The following PI4KB variants were observed in gnomAD, a reference collection of about 807,000 sequenced individuals.
PI4KB encodes the protein PtdIns 4-kinase beta.
PI4KB carries 23 observed loss-of-function variants against 81.4 expected under a neutral mutation model. The ratio of observed to expected loss-of-function variants is 0.28; its 90% CI spans 0.20 to 0.40. The LOEUF (loss-of-function observed/expected upper bound fraction) is 0.40, where lower values mean the gene tolerates loss of function less well. Among genes scored for constraint, PI4KB ranks in the 10% least tolerant of loss-of-function variants. PI4KB has a pLI of 1.00. For missense variants in PI4KB, 651 were observed against 1,036.6 expected (o/e 0.63, Z 5.11); for synonymous variants, 381 against 406.8 (o/e 0.94, Z 0.76).
At chr1:151,304,389 G>A (rs1390966113) in intron 5 of PI4KB, among the ~76,000 whole-genome samples, 4 of 143,356 alleles carry the variant, frequency 2.8e-5, no homozygotes, top group South Asian at 4.4e-4. Context: ...TGTTGCCCAC[G>A]CTGGAGTGCA....
chr1:151,322,022 C>A (rs944225360), intron 1 of PI4KB, among the ~76,000 whole-genome samples: 2 of 152,030 alleles, frequency 1.3e-5, no homozygotes, highest in Non-Finnish European at 2.9e-5. Flanking sequence ...TGACGGAAGA[C>A]AATCTAAATT....
chr1:151,298,575 T>G (rs1694992584), intron 9 of PI4KB: 3 of 564,862 alleles, frequency 5.3e-6, no homozygotes, highest in Non-Finnish European at 9.4e-6. Context: ...CCCTGCTCAC[T>G]CAAACCCTTA....
chr1:151,319,142 A>C (rs535457701), intron 1 of PI4KB, among the ~76,000 whole-genome samples: 2 of 152,320 alleles, frequency 1.3e-5, no homozygotes, highest in South Asian at 4.1e-4. Flanking sequence ...GTATGAAAGA[A>C]TCTAGCACAG....
chr1:151,316,437 A>G lies in PI4KB; in HGVS notation c.45T>C (p.Ser15=). The part of the protein sequence containing the change: ...VVEPAPLKPT[S]EPTSGPPGNN... Reference sequence around the variant, plus strand: ...TCCCTGGTGGGCCAGAAGTGGGCTCAGAAGTTGGCTTCAAGGGGGCAGGCT... The same window carrying G: ...TCCCTGGTGGGCCAGAAGTGGGCTCGGAAGTTGGCTTCAAGGGGGCAGGCT... The change falls in exon 2 of 12, where the codon TCT becomes TCC. Residue 15 remains serine, a synonymous_variant. Transcript: ENST00000368873. 2 of 1,569,122 alleles carry G rather than the reference A, an allele frequency of 1.3e-6. No individual in the cohort carries two copies. The highest frequency in any genetic ancestry group is 1.7e-6 in the Non-Finnish European group (2 of 1,158,772).
At chr1:151,297,764 C>T (rs1694934466) in intron 9 of PI4KB, among the ~76,000 whole-genome samples, 1 of 152,064 alleles carries the variant, frequency 6.6e-6, no homozygotes, top group Non-Finnish European at 1.5e-5. Flanking sequence ...GTTTCAAACT[C>T]CTGACCTCAG....
chr1:151,316,123 C>T lies in PI4KB; in HGVS notation c.359G>A (p.Arg120Gln), dbSNP rs750699434. 3.1e-6 allele frequency: 5 copies of T among 1,613,944 alleles called. No homozygotes were observed. Among genetic ancestry groups the T allele is most frequent in the African/African-American group, 2.7e-5 (2 of 74,916 alleles). Residue 120 changes from arginine (R) to glutamine (Q), a missense_variant, in exon 2 of 12, where the codon CGG becomes CAG. This residue lies in a region of PI4KB where 314 missense variants were observed against 397.8 expected (regional missense o/e 0.79). Transcript: ENST00000368873. ...AGACTGTTTAGCTGAGTTGTTCTGC[C>T]GCCGTCTTCTTGCTCCTTTGGCTGT... Reference protein sequence around the residue: ...SGTAKGARRRRQNNSAKQSWL... With the variant: ...SGTAKGARRRQQNNSAKQSWL...
chr1:151,301,800 G>C (rs1361409280), intron 8 of PI4KB, 44 bp downstream of exon 8: 5 of 1,595,770 alleles, frequency 3.1e-6, no homozygotes, highest in Non-Finnish European at 4.3e-6. Context: ...CCAGAGTGCT[G>C]GGATTACAGC....
At chr1:151,309,396 C>T (rs1020965344) in intron 3 of PI4KB, among the ~76,000 whole-genome samples, 1 of 152,110 alleles carries the variant, frequency 6.6e-6, no homozygotes, top group Non-Finnish European at 1.5e-5. Context: ...GAGGCTCTGC[C>T]ACATGAGAGG....
At position 151,294,358 on chromosome 1, in the gene PI4KB, CAG is replaced by C. The variant is rs762519631; in HGVS notation, c.2148+49_2148+50del. 46 of 1,597,918 alleles carry C rather than the reference CAG, an allele frequency of 2.9e-5. No individual in the cohort carries two copies. The East Asian group carries it at 8.9e-4, about 31-fold the overall frequency. On this transcript the variant is annotated intron_variant, in intron 10 of 11. Coordinates refer to ENST00000368873, the MANE Select transcript of PI4KB (RefSeq NM_001369623.2). ...AGCCCATCAGCTCCCTCTCCCATGA[CAG>C]AGAAAGAATACAATGACCCCCGAGA...
In PI4KB at chr1:151,292,680, C is replaced by T; in HGVS notation, c.*172G>A. The stretch of plus-strand genomic sequence containing the variant: ...GTCTGGACCCCACAGCTGGCTCTCC[C>T]ACCCCTCAGCAAGCTCTCGCAGTTA... On this transcript the variant is annotated 3_prime_UTR_variant, in exon 12 of 12. Transcript: ENST00000368873. 2 of 644,704 alleles carry T rather than the reference C, an allele frequency of 3.1e-6. No homozygotes were observed. Among genetic ancestry groups the T allele is most frequent in the Non-Finnish European group, 2.6e-6 (1 of 379,626 alleles). 39.9% of individuals were successfully genotyped at this position (644,704 alleles called of 1,614,324 possible).
At position 151,306,219 on chromosome 1, in the gene PI4KB, C is replaced by T; in HGVS notation, c.1327G>A (p.Ala443Thr). The T allele has an allele frequency of 6.2e-7, 1 of 1,614,204 alleles. No homozygotes were observed. The highest frequency in any genetic ancestry group is 8.5e-7 in the Non-Finnish European group (1 of 1,180,048). The change falls in exon 5 of 12, where the codon GCT (alanine) becomes ACT (threonine). Residue 443 changes from alanine to threonine, a missense_variant. Ala to Thr is a moderately conservative substitution (Grantham distance 58, BLOSUM62 0). This residue lies in a region of PI4KB where 246 missense variants were observed against 430.1 expected (regional missense o/e 0.57). Coordinates refer to ENST00000368873, the MANE Select transcript of PI4KB (RefSeq NM_001369623.2). ...PECGITHEQR[A>T]GSFSTVPNYD... ...TTGGGCACAGTGCTGAAGCTGCCAG[C>T]TCGCTGCTCATGGGTAATACCACAT...
At chr1:151,294,360 GAGAA>G in intron 10 of PI4KB, 45 bp downstream of exon 10, 3 of 1,599,202 alleles carry the variant, frequency 1.9e-6, no homozygotes, top group Non-Finnish European at 2.6e-6. Context: ...TCCCATGACA[GAGAA>G]AGAATACAAT....
chr1:151,318,619 G>C (rs544034863), intron 1 of PI4KB, among the ~76,000 whole-genome samples: 64 of 152,200 alleles, frequency 4.2e-4, no homozygotes, highest in African/African-American at 1.3e-3. Context: ...GGCTGAGGCA[G>C]GAGAATCGCT....
rs190798653 is a variant in PI4KB at position 151,311,616 on chromosome 1, G to T, written c.910-1361C>A. On this transcript the variant is annotated intron_variant, in intron 2 of 11. Coordinates refer to ENST00000368873, the MANE Select transcript of PI4KB (RefSeq NM_001369623.2). ...TATTTCTACCTATGAGCTGGTTGGAGAAGGAACAGCAGGCAAGATATTGGC... is the reference window on the plus strand; with the variant it reads ...TATTTCTACCTATGAGCTGGTTGGATAAGGAACAGCAGGCAAGATATTGGC... Among the ~76,000 whole-genome samples the T allele has an allele frequency of 3.2e-3, 486 of 152,316 alleles. 12 individuals carry two copies. Among genetic ancestry groups the T allele is most frequent in the Admixed American group, 0.03 (462 of 15,306 alleles).
chr1:151,301,826 C>T lies in PI4KB; in HGVS notation c.1749+18G>A, dbSNP rs1695314753. On this transcript the variant is annotated intron_variant, in intron 8 of 11. Coordinates refer to ENST00000368873, the MANE Select transcript of PI4KB (RefSeq NM_001369623.2). ...GGATTACAGCCACTGTGCCTGGCCT[C>T]TCCTTCTCTTCTCTTACCTGCAGTT... 6.2e-7 allele frequency: 1 copy of T among 1,612,866 alleles called. No homozygotes were observed. Among genetic ancestry groups the T allele is most frequent in the Admixed American group, 1.7e-5 (1 of 59,986 alleles).
chr1:151,303,536 C>A lies in PI4KB; in HGVS notation c.1520+5G>T, dbSNP rs202037342. ...AAAATGAGGGGCAATGTGATCTGGCCATACCGGATGTCCCCTGCTGCAATG... is the reference window on the plus strand; with the variant it reads ...AAAATGAGGGGCAATGTGATCTGGCAATACCGGATGTCCCCTGCTGCAATG... On this transcript the variant is annotated splice_donor_5th_base_variant and intron_variant, in intron 6 of 11. Transcript: ENST00000368873. The A allele has an allele frequency of 8.5e-5, 134 of 1,573,026 alleles. No individual in the cohort carries two copies. Among genetic ancestry groups the A allele is most frequent in the Admixed American group, 3.5e-4 (21 of 59,964 alleles).
chr1:151,292,681 A>AC lies in PI4KB; in HGVS notation c.*170dup. ...TCTGGACCCCACAGCTGGCTCTCCC[A>AC]CCCCTCAGCAAGCTCTCGCAGTTAC... On this transcript the variant is annotated 3_prime_UTR_variant, in exon 12 of 12. Coordinates refer to ENST00000368873, the MANE Select transcript of PI4KB (RefSeq NM_001369623.2). 1.6e-6 allele frequency: 1 copy of AC among 645,134 alleles called. No homozygotes were observed. Among genetic ancestry groups the AC allele is most frequent in the Non-Finnish European group, 2.6e-6 (1 of 379,972 alleles). The allele number at this position is 645,134 out of a possible 1,614,324, so 40.0% of individuals were successfully genotyped here.
chr1:151,300,465 G>T (rs1456081886), intron 8 of PI4KB, among the ~76,000 whole-genome samples: 1 of 152,170 alleles, frequency 6.6e-6, no homozygotes, highest in African/African-American at 2.4e-5. Context: ...AATTAGCCGG[G>T]CGTGGTGGCG....
chr1:151,293,910 C>T, intron 11 of PI4KB, 108 bp downstream of exon 11: 2 of 1,246,814 alleles, frequency 1.6e-6, no homozygotes, highest in Non-Finnish European at 2.2e-6. Flanking sequence ...CTCTGGGAAC[C>T]CCCCTCCCTC....
Sources: gnomAD v4.1 joint callset for allele counts (sites outside exome capture counted in the v4.1 genomes callset) on GRCh38, gnomAD v4.1.1 for gene constraint, gnomAD v4.1.1 regional missense constraint, MANE v1.5 for transcripts, NCBI Gene and HGNC (gene_info 2026-07-23, HGNC 2026-07-21) for gene names.